Variants in ONECUT2 observed in about 807,000 individuals in gnomAD.
The protein encoded by ONECUT2 is one cut domain family member 2.
ONECUT2 carries 10 observed loss-of-function variants against 27.9 expected under a neutral mutation model. The ratio of observed to expected loss-of-function variants is 0.36; its 90% CI spans 0.22 to 0.61. The LOEUF (loss-of-function observed/expected upper bound fraction) is 0.61. ONECUT2 is among the 20% of genes least tolerant of loss of function. The pLI is 0.73. For synonymous variants in ONECUT2, 334 were observed against 315.1 expected, an observed-to-expected ratio of 1.06 and a Z score of -0.64; for missense variants, 686 against 721.0, an observed-to-expected ratio of 0.95 and a Z score of 0.56.
chr18:57,460,651 A>G (rs952408510), intron 1 of ONECUT2, among the ~76,000 whole-genome samples: 12 of 149,230 alleles, frequency 8.0e-5, no homozygotes, highest in South Asian at 2.1e-4. Flanking sequence ...GATCTTCTCA[A>G]TTATACATAG....
At chr18:57,446,698 T>TTAAAG (rs2050201870) in intron 1 of ONECUT2, among the ~76,000 whole-genome samples, 1 of 152,242 alleles carries the variant, frequency 6.6e-6, no homozygotes, top group Admixed American at 6.5e-5. Flanking sequence ...GGCTTTTTCC[T>TTAAAG]GGTCCTTTGA....
chr18:57,461,270 A>G (rs2050289783), intron 1 of ONECUT2, among the ~76,000 whole-genome samples: 1 of 152,104 alleles, frequency 6.6e-6, no homozygotes. Flanking sequence ...TGCATGTAGT[A>G]GCAGTCATTC....
intron 1 of ONECUT2, among the ~76,000 whole-genome samples, chr18:57,466,981 G>A (rs940682186): frequency 3.3e-5 from 5 of 152,356 alleles, no homozygotes; most frequent in Non-Finnish European, 7.3e-5. Context: ...GGCAGCTACA[G>A]GGGCCTGAAC....
intron 1 of ONECUT2, among the ~76,000 whole-genome samples, chr18:57,448,043 T>C (rs1315499329): frequency 6.6e-6 from 1 of 152,186 alleles, no homozygotes; most frequent in Non-Finnish European, 1.5e-5. Flanking sequence ...GACTCTGGCC[T>C]TTTTCAATCA....
rs1431696407 is a variant in ONECUT2, at chr18:57,484,298, A to C, written c.*7575A>C. The stretch of plus-strand genomic sequence containing the variant: ...TCCATTTGTAATTTTAATCGTGTTG[A>C]TGACACCAAAGATACCAAAGATTTC... On this transcript the variant is annotated 3_prime_UTR_variant, in exon 2 of 2. Transcript: ENST00000491143. 1 of 152,530 alleles carries C rather than the reference A, an allele frequency of 6.6e-6. No homozygotes were observed. The highest frequency in any genetic ancestry group is 2.4e-5 in the African/African-American group (1 of 41,416). 9.4% of individuals were successfully genotyped at this position (152,530 alleles called of 1,614,324 possible). A position where few individuals can be genotyped will look rare whatever the true frequency, so the allele number is the denominator to read the frequency against.
intron 1 of ONECUT2, among the ~76,000 whole-genome samples, chr18:57,445,576 T>C (rs1249317936): frequency 6.6e-6 from 1 of 152,184 alleles, no homozygotes; most frequent in African/African-American, 2.4e-5. Flanking sequence ...GTTTGTTTTA[T>C]GTGATTGAAA....
Position 57,435,668 on chromosome 18 carries a change from C to T in ONECUT2, c.-49C>T, listed in dbSNP as rs757104897. On this transcript the variant is annotated 5_prime_UTR_variant, in exon 1 of 2. Transcript: ENST00000491143. ...CCCCGCCACGCGCGCCTTGCCCGCC[C>T]GCCGGCCGCCCCCGCCGCCCCCGCC... is the stretch of plus-strand genomic sequence containing the variant. 3.0e-6 allele frequency: 3 copies of T among 1,015,642 alleles called. No homozygotes were observed. The highest frequency in any genetic ancestry group is 1.0e-4 in the East Asian group (1 of 9,578). The allele number at this position is 1,015,642 out of a possible 1,614,324, so 62.9% of individuals were successfully genotyped here.
At chr18:57,442,513 CCT>C (rs1009475470) in intron 1 of ONECUT2, among the ~76,000 whole-genome samples, 1 of 152,100 alleles carries the variant, frequency 6.6e-6, no homozygotes, top group African/African-American at 2.4e-5. Context: ...CACCTTGGTT[CCT>C]AGTCAGAAAG....
intron 1 of ONECUT2, among the ~76,000 whole-genome samples, chr18:57,464,248 T>A (rs2050308222): frequency 6.6e-6 from 1 of 152,186 alleles, no homozygotes; most frequent in Non-Finnish European, 1.5e-5. Flanking sequence ...TAATGAGCAC[T>A]CAACTTATGT....
chr18:57,438,336 C>T lies in ONECUT2; in HGVS notation c.1228+1392C>T, dbSNP rs527646493. Among the ~76,000 whole-genome samples the T allele has an allele frequency of 2.0e-5, 3 of 152,300 alleles. No homozygotes were observed. The East Asian group carries it at 5.8e-4, about 29-fold the overall frequency. On this transcript the variant is annotated intron_variant, in intron 1 of 1. Coordinates refer to ENST00000491143, the MANE Select transcript of ONECUT2 (RefSeq NM_004852.3). The stretch of plus-strand genomic sequence containing the variant: ...GGAGGGGGGTATCTTTCAGGATCGG[C>T]GGGCGGTCTAGGGGAACAATTCGTG...
rs143394779 is a variant in ONECUT2 at position 57,474,860 on chromosome 18, C to G, written c.1229-1577C>G. Among the ~76,000 whole-genome samples the G allele has an allele frequency of 3.0e-3, 454 of 152,242 alleles. 5 individuals are homozygous for G. The highest frequency in any genetic ancestry group is 0.023 in the East Asian group (119 of 5,170). ...ACATAGGAAAGCATCTGAGCAGCAC[C>G]CTGGGTGCCAGTCTTGGGGGAATGT... On this transcript the variant is annotated intron_variant, in intron 1 of 1. Coordinates refer to ENST00000491143, the MANE Select transcript of ONECUT2 (RefSeq NM_004852.3).
chr18:57,436,645 C>A lies in ONECUT2; in HGVS notation c.929C>A (p.Pro310His). 6.2e-7 allele frequency: 1 copy of A among 1,612,234 alleles called. No homozygotes were observed. The change falls in exon 1 of 2, where the codon CCC (proline) becomes CAC (histidine). Residue 310 changes from proline (P) to histidine (H), a missense_variant. Physicochemically the swap from Pro to His is moderately conservative, Grantham distance 77. Coordinates refer to ENST00000491143, the MANE Select transcript of ONECUT2 (RefSeq NM_004852.3). The surrounding 1 kb of genome is among the most constrained non-coding windows in gnomAD (Gnocchi z 5.9). ...CAGTCTCACGGGCCGGTGCTGGCACCCAGTCGCGAGCGGCCACCCTCGTCC... is the reference window on the plus strand; with the variant it reads ...CAGTCTCACGGGCCGGTGCTGGCACACAGTCGCGAGCGGCCACCCTCGTCC... ...HTQSHGPVLA[P>H]SRERPPSSSS...
intron 1 of ONECUT2, among the ~76,000 whole-genome samples, chr18:57,455,046 A>G (rs966036522): frequency 2.0e-5 from 3 of 152,222 alleles, no homozygotes; most frequent in African/African-American, 7.2e-5. Flanking sequence ...GGGCCTTATC[A>G]GAAAGTTATT....
At chr18:57,459,852 C>T (rs2050280392) in intron 1 of ONECUT2, among the ~76,000 whole-genome samples, 1 of 152,296 alleles carries the variant, frequency 6.6e-6, no homozygotes, top group African/African-American at 2.4e-5. Context: ...AGCCACCATG[C>T]CCGGCCCAAA....
chr18:57,439,532 G>A lies in ONECUT2; in HGVS notation c.1228+2588G>A, dbSNP rs915675544. On this transcript the variant is annotated intron_variant, in intron 1 of 1. Transcript: ENST00000491143. Reference sequence around the variant, plus strand: ...TTACATAGGAGGCTTTTCAGTTTGGGGTCAGTAGATCAGTCTCTTCAGACA... The same window carrying A: ...TTACATAGGAGGCTTTTCAGTTTGGAGTCAGTAGATCAGTCTCTTCAGACA... Among the ~76,000 whole-genome samples, 3 of 152,324 alleles carry A rather than the reference G, an allele frequency of 2.0e-5. No homozygotes were observed. The East Asian group carries it at 5.8e-4, about 29-fold the overall frequency.
intron 1 of ONECUT2, among the ~76,000 whole-genome samples, chr18:57,473,259 G>A (rs926206697): frequency 6.6e-6 from 1 of 152,104 alleles, no homozygotes; most frequent in African/African-American, 2.4e-5. Flanking sequence ...TCTTTCCCTG[G>A]GTCTGCAGCA....
At chr18:57,457,524 C>A (rs1419950188) in intron 1 of ONECUT2, among the ~76,000 whole-genome samples, 3 of 152,192 alleles carry the variant, frequency 2.0e-5, no homozygotes, top group Non-Finnish European at 2.9e-5. Flanking sequence ...TTCCCTAGAC[C>A]CCTCCGGAGG....
chr18:57,442,401 A>G (rs562371119), intron 1 of ONECUT2, among the ~76,000 whole-genome samples: 1 of 152,262 alleles, frequency 6.6e-6, no homozygotes, highest in East Asian at 1.9e-4. Flanking sequence ...GGGAAAGCAA[A>G]TCGTGCATTG....
intron 1 of ONECUT2, among the ~76,000 whole-genome samples, chr18:57,451,944 G>A (rs1016326239): frequency 6.6e-6 from 1 of 152,160 alleles, no homozygotes; most frequent in East Asian, 1.9e-4. Context: ...TGAGGAATGG[G>A]GGGGGCGGTG....
Sources: allele counts gnomAD v4.1 joint callset (sites outside exome capture counted in the v4.1 genomes callset), GRCh38; gene constraint gnomAD v4.1.1; non-coding constraint Gnocchi (gnomAD v3.1); transcripts MANE v1.5; gene names NCBI Gene and HGNC (gene_info 2026-07-23, HGNC 2026-07-21).